Variants in GAP43 observed in about 807,000 individuals in gnomAD.
GAP43 encodes growth associated protein 43.
In GAP43, 6 loss-of-function variants were observed where a neutral mutation model predicts 18.6. That is an observed-to-expected ratio of 0.32 (90% CI 0.18 to 0.64). The LOEUF (loss-of-function observed/expected upper bound fraction) is 0.64, where lower values mean the gene tolerates loss of function less well. GAP43 is among the 30% of genes least tolerant of loss of function. The pLI, the probability that GAP43 is intolerant of heterozygous loss-of-function variation, is 0.78. For synonymous variants in GAP43, 115 were observed against 111.4 expected (o/e 1.03, Z -0.20); for missense variants, 292 against 295.5 (o/e 0.99, Z 0.09).
intron 2 of GAP43, among the ~76,000 whole-genome samples, chr3:115,679,394 T>C (rs1708931877): frequency 6.6e-6 from 1 of 152,214 alleles, no homozygotes; most frequent in African/African-American, 2.4e-5. Flanking sequence ...TTTTGATCTT[T>C]GAAGTTGGTT....
At chr3:115,657,171 G>C (rs960494379) in intron 1 of GAP43, among the ~76,000 whole-genome samples, 1 of 152,188 alleles carries the variant, frequency 6.6e-6, no homozygotes, top group African/African-American at 2.4e-5. Flanking sequence ...CATGTGGGGA[G>C]AGGGCAAAGA....
chr3:115,630,621 G>A (rs72961633), intron 1 of GAP43, among the ~76,000 whole-genome samples: 1,578 of 152,300 alleles, frequency 0.01, 28 homozygotes, highest in African/African-American at 0.036. Flanking sequence ...TGTAAGTGAA[G>A]TTTGTCTTCA....
chr3:115,711,494 T>TAC (rs72406302), intron 2 of GAP43, among the ~76,000 whole-genome samples: 6 of 150,182 alleles, frequency 4.0e-5, no homozygotes, highest in African/African-American at 1.2e-4. Context: ...AAGTTCTAAA[T>TAC]ACACACACAC....
intron 2 of GAP43, among the ~76,000 whole-genome samples, chr3:115,696,977 C>A (rs935651744): frequency 6.6e-6 from 1 of 151,778 alleles, no homozygotes; most frequent in African/African-American, 2.4e-5. Flanking sequence ...GCACTACAGG[C>A]GCCCACCACA....
At chr3:115,646,020 G>A (rs530354636) in intron 1 of GAP43, among the ~76,000 whole-genome samples, 12 of 151,968 alleles carry the variant, frequency 7.9e-5, no homozygotes, top group African/African-American at 2.9e-4. Context: ...ATTAAGTGTT[G>A]GACTAAGTTT....
In GAP43 at chr3:115,676,089, C is replaced by T. The variant is rs764745247; in HGVS notation, c.107C>T (p.Thr36Ile). 3.7e-6 allele frequency: 6 copies of T among 1,613,938 alleles called. No individual in the cohort carries two copies. In the African/African-American group the frequency reaches 5.3e-5, roughly 14 times the overall value. Residue 36 changes from threonine to isoleucine, a missense_variant, in exon 2 of 3, where the codon ACC (threonine) becomes ATC (isoleucine). Thr to Ile is a moderately conservative substitution (Grantham distance 89). Transcript: ENST00000305124. ...GAAGATAAAGCTCATAAGGCCGCAA[C>T]CAAAATTCAGGCTAGCTTCCGTGGA... is the stretch of plus-strand genomic sequence containing the variant. ...KPEDKAHKAATKIQASFRGHI... is the reference protein window; with the variant it reads ...KPEDKAHKAAIKIQASFRGHI...
intron 1 of GAP43, among the ~76,000 whole-genome samples, chr3:115,636,541 G>T (rs1234213673): frequency 1.3e-5 from 2 of 152,018 alleles, no homozygotes; most frequent in African/African-American, 4.8e-5. Flanking sequence ...TGGAAGAAGA[G>T]AAAATAGTCA....
chr3:115,623,639 A>T lies in GAP43; in HGVS notation c.-51A>T, dbSNP rs764285498. 6.2e-7 allele frequency: 1 copy of T among 1,610,186 alleles called. No individual in the cohort carries two copies. The highest frequency in any genetic ancestry group is 1.3e-5 in the African/African-American group (1 of 74,972). ...GGTGGAGAGGGGGGGAATAAGAAAG[A>T]GAGAGAAGGAAAGGAGAGAAGGCAG... On this transcript the variant is annotated 5_prime_UTR_variant, in exon 1 of 3. Coordinates refer to ENST00000305124, the MANE Select transcript of GAP43 (RefSeq NM_002045.4).
At chr3:115,655,099 G>T (rs765153570) in intron 1 of GAP43, among the ~76,000 whole-genome samples, 2 of 152,152 alleles carry the variant, frequency 1.3e-5, no homozygotes, top group African/African-American at 2.4e-5. Context: ...TAGAGGGTAG[G>T]ATTAGGAAAC....
intron 1 of GAP43, among the ~76,000 whole-genome samples, chr3:115,664,193 T>C (rs1477476432): frequency 1.5e-5 from 2 of 132,508 alleles, no homozygotes; most frequent in Non-Finnish European, 3.4e-5. Flanking sequence ...TTTTAGAATT[T>C]GCTATTATTA....
At chr3:115,630,186 T>C (rs1396629695) in intron 1 of GAP43, among the ~76,000 whole-genome samples, 1 of 152,208 alleles carries the variant, frequency 6.6e-6, no homozygotes, top group African/African-American at 2.4e-5. Flanking sequence ...ATCTGTGTGA[T>C]CCATGAAATA....
At chr3:115,717,997 A>C (rs746557997) in intron 2 of GAP43, among the ~76,000 whole-genome samples, 2 of 152,164 alleles carry the variant, frequency 1.3e-5, no homozygotes, top group Non-Finnish European at 2.9e-5. Context: ...CTGAATGTTC[A>C]AGTTTCTGTT....
At chr3:115,719,416 C>G (rs566466288) in intron 2 of GAP43, among the ~76,000 whole-genome samples, 2 of 152,240 alleles carry the variant, frequency 1.3e-5, no homozygotes, top group African/African-American at 4.8e-5. Flanking sequence ...TTCCAGGTGC[C>G]TAAAATCATA....
intron 1 of GAP43, among the ~76,000 whole-genome samples, chr3:115,661,624 G>A (rs1708660231): frequency 6.6e-6 from 1 of 152,060 alleles, no homozygotes; most frequent in Non-Finnish European, 1.5e-5. Context: ...GAGTAGCCGG[G>A]ACTACAGGCA....
chr3:115,635,421 C>A (rs1310160507), intron 1 of GAP43, among the ~76,000 whole-genome samples: 2 of 152,098 alleles, frequency 1.3e-5, no homozygotes, highest in African/African-American at 4.8e-5. Context: ...GAGTTCCTTG[C>A]TTACACATTC....
chr3:115,717,372 G>A (rs1709521730), intron 2 of GAP43, among the ~76,000 whole-genome samples: 1 of 150,902 alleles, frequency 6.6e-6, no homozygotes, highest in South Asian at 2.1e-4. Context: ...TGCAATGGCA[G>A]GATCTCTGCT....
At chr3:115,715,884 G>T (rs1709496275) in intron 2 of GAP43, among the ~76,000 whole-genome samples, 1 of 152,178 alleles carries the variant, frequency 6.6e-6, no homozygotes, top group Non-Finnish European at 1.5e-5. Context: ...AGCAACTAAA[G>T]TAAAATCTGC....
chr3:115,654,476 T>C (rs149789212), intron 1 of GAP43, among the ~76,000 whole-genome samples: 202 of 152,330 alleles, frequency 1.3e-3, no homozygotes, highest in African/African-American at 4.8e-3. Flanking sequence ...GCAGTCTTTT[T>C]TTTAAAAGCT....
At chr3:115,663,883 T>C (rs373081251) in intron 1 of GAP43, 20 of 1,552,154 alleles carry the variant, frequency 1.3e-5, no homozygotes, top group South Asian at 5.9e-5. Flanking sequence ...CTAGTCCTTA[T>C]TCACTTGGCT....
Sources: allele counts gnomAD v4.1 joint callset (sites outside exome capture counted in the v4.1 genomes callset), GRCh38; gene constraint gnomAD v4.1.1; transcripts MANE v1.5; gene names NCBI Gene and HGNC (gene_info 2026-07-23, HGNC 2026-07-21).